Variants in YTHDC2 observed in about 807,000 individuals in gnomAD.
The protein encoded by YTHDC2 is YTH N6-methyladenosine RNA binding protein C2.
A neutral mutation model predicts 174.9 loss-of-function variants in YTHDC2; 45 were observed. That is an observed-to-expected ratio of 0.26 (90% CI 0.20 to 0.33). The LOEUF is 0.33. Ranked by LOEUF, YTHDC2 falls within the 10% of genes least tolerant of loss-of-function variation. The probability of loss-of-function intolerance (pLI) is 1.00; values close to 1 mark genes in which losing one functional copy is unlikely to be tolerated. For missense variants in YTHDC2, 1,650 were observed against 1,723.7 expected, an observed-to-expected ratio of 0.96 and a Z score of 0.76; for synonymous variants, 657 against 574.5, an observed-to-expected ratio of 1.14 and a Z score of -2.05.
chr5:113,581,867 G>T, intron 25 of YTHDC2, 158 bp downstream of exon 25: 1 of 578,986 alleles, frequency 1.7e-6, no homozygotes, highest in Non-Finnish European at 2.6e-6. Flanking sequence ...TTTTCTACTT[G>T]TTCAACTTAA....
chr5:113,564,499 A>G (rs769778179), intron 20 of YTHDC2, among the ~76,000 whole-genome samples: 7 of 152,204 alleles, frequency 4.6e-5, no homozygotes, highest in Non-Finnish European at 7.3e-5. Flanking sequence ...CTTATAAGAA[A>G]ATTATATTGA....
intron 28 of YTHDC2, chr5:113,592,482 T>C (rs2112831069): frequency 5.0e-6 from 1 of 201,260 alleles, no homozygotes; most frequent in South Asian, 1.4e-4. Flanking sequence ...TGCTTTGTCT[T>C]CATGATGCTA....
chr5:113,556,696 G>T (rs1776633151), intron 17 of YTHDC2, among the ~76,000 whole-genome samples: 1 of 152,154 alleles, frequency 6.6e-6, no homozygotes, highest in African/African-American at 2.4e-5. Context: ...ATATTTTACT[G>T]ATGGGAGTAT....
chr5:113,519,349 G>A (rs1352707472), intron 2 of YTHDC2, among the ~76,000 whole-genome samples: 1 of 152,076 alleles, frequency 6.6e-6, no homozygotes, highest in Non-Finnish European at 1.5e-5. Flanking sequence ...TAAAGGTTGT[G>A]TTTAAAGTCA....
At chr5:113,543,675 A>G (rs1174045739) in intron 10 of YTHDC2, among the ~76,000 whole-genome samples, 1 of 152,232 alleles carries the variant, frequency 6.6e-6, no homozygotes, top group African/African-American at 2.4e-5. Flanking sequence ...GTGGATAAAA[A>G]TCAAAGTCCT....
intron 2 of YTHDC2, among the ~76,000 whole-genome samples, chr5:113,520,075 C>T (rs565759258): frequency 2.0e-5 from 3 of 152,084 alleles, no homozygotes; most frequent in Non-Finnish European, 4.4e-5. Flanking sequence ...TGACAGGCCC[C>T]TGTGTGTGAT....
chr5:113,522,702 G>A lies in YTHDC2; in HGVS notation c.279-2279G>A, dbSNP rs893050576. 2.6e-5 allele frequency among the ~76,000 whole-genome samples: 4 copies of A among 152,230 alleles called. 1 individual carries two copies. The highest frequency in any genetic ancestry group is 4.1e-4 in the South Asian group (2 of 4,828). ...AGTTCTCAATTTGTTAGTTTACGTA[G>A]TATGACAAATTTCTACTGTATTTAA... is the stretch of plus-strand genomic sequence containing the variant. On this transcript the variant is annotated intron_variant, in intron 2 of 29. Coordinates refer to ENST00000161863, the MANE Select transcript of YTHDC2 (RefSeq NM_022828.5).
chr5:113,526,651 AGAG>A lies in YTHDC2; in HGVS notation c.545_547del (p.Gly182del). ...TGGCATACCTCAGATTCCAGTGAAA[AGAG>A]GAGAATCCGAATTTGATTCTTTTAG... On this transcript the variant is annotated inframe_deletion, in exon 4 of 30. Transcript: ENST00000161863. 1 of 1,606,626 alleles carries A rather than the reference AGAG, an allele frequency of 6.2e-7. No individual in the cohort carries two copies. Among genetic ancestry groups the A allele is most frequent in the South Asian group, 1.1e-5 (1 of 90,288 alleles).
chr5:113,532,776 C>A, intron 4 of YTHDC2, 103 bp from the exon 5 acceptor site: 2 of 1,004,972 alleles, frequency 2.0e-6, no homozygotes, highest in South Asian at 1.9e-5. Flanking sequence ...TATATTTGGA[C>A]TTGTTATAGA....
rs138017553 is a variant in YTHDC2 at position 113,534,386 on chromosome 5, G to C, written c.924G>C (p.Ser308=). 2 of 1,611,574 alleles carry C rather than the reference G, an allele frequency of 1.2e-6. No homozygotes were observed. The highest frequency in any genetic ancestry group is 1.7e-6 in the Non-Finnish European group (2 of 1,178,380). Residue 308 remains serine, a synonymous_variant, in exon 6 of 30, where the codon TCG becomes TCC. Transcript: ENST00000161863. ...TGATGGCAGGAGATAGTACGTTGTC[G>C]ACTGTGACACATGTTATCGTGGTAA... The part of the protein sequence containing the change: ...RTLMAGDSTL[S]TVTHVIVDEV...
Position 113,526,708 on chromosome 5 carries a change from G to A in YTHDC2, c.598G>A (p.Glu200Lys), listed in dbSNP as rs756578512. The A allele has an allele frequency of 1.1e-5, 18 of 1,579,894 alleles. No homozygotes were observed. The Admixed American group carries it at 1.2e-4, about 11-fold the overall frequency. The change falls in exon 4 of 30, where the codon GAA becomes AAA. Residue 200 changes from glutamate to lysine, a missense_variant. By Grantham distance (56) the Glu-to-Lys change is moderately conservative. This residue lies in a region of YTHDC2 where 304 missense variants were observed against 341.4 expected (regional missense o/e 0.89). Coordinates refer to ENST00000161863, the MANE Select transcript of YTHDC2 (RefSeq NM_022828.5). ...GTCTTTACCAGTGTTTGAGAAACAGGAAGAAATTGTTAAAATAATTAAGGA... is the reference window on the plus strand; with the variant it reads ...GTCTTTACCAGTGTTTGAGAAACAGAAAGAAATTGTTAAAATAATTAAGGA... ...RQSLPVFEKQEEIVKIIKENK... is the reference protein window; with the variant it reads ...RQSLPVFEKQKEIVKIIKENK...
intron 26 of YTHDC2, among the ~76,000 whole-genome samples, chr5:113,589,581 A>G (rs968472706): frequency 1.3e-5 from 2 of 151,658 alleles, no homozygotes; most frequent in Non-Finnish European, 2.9e-5. Flanking sequence ...GAATAAAAAA[A>G]TTAGTTGGGC....
At chr5:113,514,157 A>C (rs1339307560) in intron 1 of YTHDC2, 75 bp downstream of exon 1, 60 of 1,524,004 alleles carry the variant, frequency 3.9e-5, no homozygotes, top group Non-Finnish European at 5.0e-5. Flanking sequence ...ACGGCGGCCC[A>C]CCGAGTGATG....
At chr5:113,547,762 T>G (rs1230865761) in intron 10 of YTHDC2, among the ~76,000 whole-genome samples, 1 of 152,176 alleles carries the variant, frequency 6.6e-6, no homozygotes, top group African/African-American at 2.4e-5. Context: ...TTTCAGAGTG[T>G]TTATTAAATA....
intron 20 of YTHDC2, among the ~76,000 whole-genome samples, 191 bp downstream of exon 20, chr5:113,564,322 T>A (rs10061552): frequency 0.31 from 47,164 of 152,080 alleles, 9,485 homozygotes; most frequent in African/African-American, 0.56. Flanking sequence ...AGTTTTGCTC[T>A]TTTTTCCCAT....
chr5:113,588,342 A>T (rs1356174813), intron 26 of YTHDC2, among the ~76,000 whole-genome samples: 1 of 151,968 alleles, frequency 6.6e-6, no homozygotes, highest in African/African-American at 2.4e-5. Flanking sequence ...TCTTATGTTT[A>T]TACCCCACTT....
chr5:113,539,140 C>A lies in YTHDC2; in HGVS notation c.1169C>A (p.Thr390Lys). The A allele has an allele frequency of 7.1e-7, 1 of 1,412,148 alleles. No homozygotes were observed. Among genetic ancestry groups the A allele is most frequent in the Non-Finnish European group, 9.5e-7 (1 of 1,054,206 alleles). The allele number at this position is 1,412,148 out of a possible 1,614,324, so 87.5% of individuals were successfully genotyped here. The change falls in exon 8 of 30, where the codon ACA becomes AAA. Residue 390 changes from threonine (T) to lysine (K), a missense_variant. Physicochemically the swap from Thr to Lys is moderately conservative, Grantham distance 78. This residue lies in a region of YTHDC2 where 411 missense variants were observed against 380.6 expected (regional missense o/e 1.08). Transcript: ENST00000161863. The part of the protein sequence containing the change: ...LEDILRTTGY[T>K]NKEMLKYKKE... ...GATATTTTAAGAACAACTGGATATA[C>A]AAACAAAGAAATGTTAAAATATAAA...
rs185154201 is a variant in YTHDC2 at position 113,525,607 on chromosome 5, T to C, written c.475+430T>C. On this transcript the variant is annotated intron_variant, in intron 3 of 29. Coordinates refer to ENST00000161863, the MANE Select transcript of YTHDC2 (RefSeq NM_022828.5). Reference sequence around the variant, plus strand: ...GGTATTTGACTCCAGGGACTAGACTTTCCTATATTATGCTGCCATAACACA... The same window carrying C: ...GGTATTTGACTCCAGGGACTAGACTCTCCTATATTATGCTGCCATAACACA... Among the ~76,000 whole-genome samples, 553 of 152,172 alleles carry C rather than the reference T, an allele frequency of 3.6e-3. 1 individual carries two copies. The highest frequency in any genetic ancestry group is 6.3e-3 in the Non-Finnish European group (425 of 67,942).
At chr5:113,520,527 G>C (rs1346059654) in intron 2 of YTHDC2, among the ~76,000 whole-genome samples, 5 of 151,340 alleles carry the variant, frequency 3.3e-5, no homozygotes, top group African/African-American at 1.2e-4. Flanking sequence ...AAATGAGAAG[G>C]AGTCAGCATT....
Sources: allele counts gnomAD v4.1 joint callset (sites outside exome capture counted in the v4.1 genomes callset), GRCh38; gene constraint gnomAD v4.1.1; regional missense constraint gnomAD v4.1.1; transcripts MANE v1.5; gene names NCBI Gene and HGNC (gene_info 2026-07-23, HGNC 2026-07-21).